Variants in ENTPD1 observed in about 807,000 individuals in gnomAD.
The protein encoded by ENTPD1 is ATP diphosphohydrolase.
Under a neutral mutation model 57.0 loss-of-function variants are expected in ENTPD1, and 33 were observed. That is an observed-to-expected ratio of 0.58 (90% CI 0.44 to 0.77). The LOEUF is 0.77. ENTPD1 is among the 30% of genes least tolerant of loss of function. The pLI is 0.00. For missense variants in ENTPD1, 501 were observed against 603.4 expected (o/e 0.83, Z 1.78); for synonymous variants, 202 against 218.8 (o/e 0.92, Z 0.68).
intron 1 of ENTPD1, among the ~76,000 whole-genome samples, chr10:95,784,740 C>T (rs1164711026): frequency 6.6e-6 from 1 of 152,130 alleles, no homozygotes; most frequent in Non-Finnish European, 1.5e-5. Context: ...GAGAGAGCTA[C>T]CCATTGGAGG....
At chr10:95,818,849 C>A (rs1480143601) in intron 1 of ENTPD1, among the ~76,000 whole-genome samples, 1 of 152,206 alleles carries the variant, frequency 6.6e-6, no homozygotes, top group African/African-American at 2.4e-5. Context: ...TATGTAAACA[C>A]AGGAAGGACC....
chr10:95,858,986 A>G (rs1436896386), intron 7 of ENTPD1, among the ~76,000 whole-genome samples: 2 of 152,176 alleles, frequency 1.3e-5, no homozygotes, highest in African/African-American at 2.4e-5. Flanking sequence ...GTGTGTTTGT[A>G]TATGATTATA....
At position 95,756,235 on chromosome 10, in the gene ENTPD1, T is replaced by A. The variant is rs749170103; in HGVS notation, c.-5T>A. 6.3e-7 allele frequency: 1 copy of A among 1,595,248 alleles called. No homozygotes were observed. ...GAAAGAGGAGGAAAACAAAAGCTGC[T>A]ACTTATGGAAGATACAAAGGGTAAG... On this transcript the variant is annotated 5_prime_UTR_variant, in exon 1 of 10. Coordinates refer to ENST00000371205, the MANE Select transcript of ENTPD1 (RefSeq NM_001776.6).
chr10:95,864,693 G>A (rs752231164), intron 8 of ENTPD1, 31 bp from the exon 9 acceptor site: 40 of 1,613,132 alleles, frequency 2.5e-5, no homozygotes, highest in Middle Eastern at 1.7e-4. Flanking sequence ...CCTATCATAC[G>A]AGTATGATCT....
At chr10:95,747,489 C>A (rs937836634) in intron 1 of ENTPD1, among the ~76,000 whole-genome samples, 4 of 152,156 alleles carry the variant, frequency 2.6e-5, no homozygotes, top group Non-Finnish European at 4.4e-5. Context: ...ATATAGAGAA[C>A]AGAATGCTCA....
chr10:95,772,742 T>C (rs1331842928), intron 1 of ENTPD1, among the ~76,000 whole-genome samples: 1 of 152,236 alleles, frequency 6.6e-6, no homozygotes, highest in Non-Finnish European at 1.5e-5. Context: ...ATGTTCTTAA[T>C]GGCACCTAGA....
rs997239889 is a variant in ENTPD1 at position 95,845,506 on chromosome 10, C to T, written c.723C>T (p.Leu241=). ...CAGATAATGCTCTGCAATTTCGCCT[C>T]TATGGCAAGGACTACAATGTCTACA... is the stretch of plus-strand genomic sequence containing the variant. ...ESPDNALQFR[L]YGKDYNVYTH... The change falls in exon 6 of 10, where the codon CTC becomes CTT. Residue 241 remains leucine (L), a synonymous_variant. Coordinates refer to ENST00000371205, the MANE Select transcript of ENTPD1 (RefSeq NM_001776.6). The T allele has an allele frequency of 3.1e-6, 5 of 1,614,094 alleles. No homozygotes were observed. In the East Asian group the frequency reaches 8.9e-5, roughly 29 times the overall value.
In ENTPD1 at chr10:95,772,487, A is replaced by G. The variant is rs139423053; in HGVS notation, c.16+16232A>G. Among the ~76,000 whole-genome samples, 134 of 152,316 alleles carry G rather than the reference A, an allele frequency of 8.8e-4. 2 individuals are homozygous for G. The East Asian group carries it at 0.023, about 26-fold the overall frequency. On this transcript the variant is annotated intron_variant, in intron 1 of 9. Coordinates refer to ENST00000371205, the MANE Select transcript of ENTPD1 (RefSeq NM_001776.6). The stretch of plus-strand genomic sequence containing the variant: ...AGAGTAGATTCCATCTCAAGAAACC[A>G]CTTTCTCTGTTCATCCATAAGAAGC...
Position 95,869,146 on chromosome 10 carries a change from TC to T in ENTPD1, c.*2765del. 2 of 985,274 alleles carry T rather than the reference TC, an allele frequency of 2.0e-6. No homozygotes were observed. The highest frequency in any genetic ancestry group is 1.2e-6 in the Non-Finnish European group (1 of 829,908). 61.0% of individuals were successfully genotyped at this position (985,274 alleles called of 1,614,324 possible). A position where few individuals can be genotyped will look rare whatever the true frequency, so the allele number is the denominator to read the frequency against. On this transcript the variant is annotated 3_prime_UTR_variant, in exon 10 of 10. Transcript: ENST00000371205. ...CAAAACTTGGTTCTGCTAACCCTGT[TC>T]CTTTATGAGGAACCTTTTAAAGATT...
the ENTPD1 span, among the ~76,000 whole-genome samples, chr10:95,706,055 T>A: frequency 2.6e-4 from 40 of 152,226 alleles, no homozygotes; most frequent in Admixed American, 2.5e-3. Flanking sequence ...GCAGTGATCA[T>A]GCCACTGCAT....
chr10:95,743,988 A>G (rs985770715), intron 1 of ENTPD1, among the ~76,000 whole-genome samples: 9 of 125,780 alleles, frequency 7.2e-5, no homozygotes, highest in Non-Finnish European at 1.2e-4. Flanking sequence ...ATATAGATGT[A>G]TTTTAAACCA....
chr10:95,866,101 T>C (rs1160151926), intron 9 of ENTPD1, 76 bp from the exon 10 acceptor site: 4 of 1,534,658 alleles, frequency 2.6e-6, no homozygotes, highest in Non-Finnish European at 3.5e-6. Context: ...CAATGCATGA[T>C]CCAATAATTC....
At chr10:95,861,857 A>G (rs568314414) in intron 8 of ENTPD1, among the ~76,000 whole-genome samples, 2 of 152,220 alleles carry the variant, frequency 1.3e-5, no homozygotes, top group African/African-American at 2.4e-5. Context: ...TTAGCCGGGC[A>G]TGGTGGTGGG....
At chr10:95,795,415 A>G (rs1406249723) in intron 1 of ENTPD1, among the ~76,000 whole-genome samples, 2 of 152,200 alleles carry the variant, frequency 1.3e-5, no homozygotes, top group Non-Finnish European at 2.9e-5. Context: ...AAAGGAGAGC[A>G]TGAATTCTGT....
chr10:95,745,911 C>T (rs7081414), intron 1 of ENTPD1, among the ~76,000 whole-genome samples: 24,171 of 152,146 alleles, frequency 0.16, 2,477 homozygotes, highest in African/African-American at 0.28. Flanking sequence ...TCAGTTAGGG[C>T]ATTCCTCCCT....
intron 1 of ENTPD1, among the ~76,000 whole-genome samples, chr10:95,735,762 A>AT (rs949715375): frequency 3.1e-4 from 46 of 150,784 alleles, no homozygotes; most frequent in African/African-American, 1.0e-3. Context: ...TGCTCGGCTA[A>AT]TTTTTTTTAT....
At chr10:95,742,940 C>T (rs1226677458) in intron 1 of ENTPD1, among the ~76,000 whole-genome samples, 1 of 152,132 alleles carries the variant, frequency 6.6e-6, no homozygotes, top group Non-Finnish European at 1.5e-5. Context: ...TACCCAGTTC[C>T]CTGATTATTA....
chr10:95,866,092 A>G, intron 9 of ENTPD1, 85 bp from the exon 10 acceptor site: 1 of 1,519,228 alleles, frequency 6.6e-7, no homozygotes, highest in Non-Finnish European at 9.0e-7. Context: ...GAACTCTTCC[A>G]ATGCATGATC....
chr10:95,748,033 G>A (rs1018928468), intron 1 of ENTPD1, among the ~76,000 whole-genome samples: 10 of 151,938 alleles, frequency 6.6e-5, no homozygotes, highest in African/African-American at 1.9e-4. Context: ...CACCATGCCC[G>A]GCTAATTTTT....
Sources: gnomAD v4.1 joint callset for allele counts (sites outside exome capture counted in the v4.1 genomes callset) on GRCh38, gnomAD v4.1.1 for gene constraint, MANE v1.5 for transcripts, NCBI Gene and HGNC (gene_info 2026-07-23, HGNC 2026-07-21) for gene names.